The following NAMPT variants were observed in gnomAD, a reference collection of about 807,000 sequenced individuals.
NAMPT encodes nicotinamide phosphoribosyltransferase, also known as NAmPRTase.
A neutral mutation model predicts 58.7 loss-of-function variants in NAMPT; 7 were observed. The ratio of observed to expected loss-of-function variants is 0.12; its 90% CI spans 0.07 to 0.22. The LOEUF (loss-of-function observed/expected upper bound fraction) is 0.22. Among genes scored for constraint, NAMPT ranks in the 10% least tolerant of loss-of-function variants. The probability of loss-of-function intolerance (pLI) is 1.00; values close to 1 mark genes in which losing one functional copy is unlikely to be tolerated. For synonymous variants in NAMPT, 145 were observed against 198.1 expected (o/e 0.73, Z 2.25); for missense variants, 271 against 567.9 (o/e 0.48, Z 5.31).
intron 1 of NAMPT, among the ~76,000 whole-genome samples, chr7:106,283,439 T>G (rs1188265294): frequency 6.6e-6 from 1 of 151,932 alleles, no homozygotes; most frequent in African/African-American, 2.4e-5. Context: ...TTGGCTAACA[T>G]GTAAAAAAAA....
intron 2 of NAMPT, 57 bp from the exon 3 acceptor site, chr7:106,275,106 G>C: frequency 1.8e-6 from 2 of 1,085,356 alleles, no homozygotes; most frequent in East Asian, 2.4e-5. Context: ...GTGAGTTGCT[G>C]AACTGTCACA....
intron 1 of NAMPT, among the ~76,000 whole-genome samples, chr7:106,279,613 G>T (rs12667674): frequency 0.22 from 33,760 of 152,034 alleles, 4,420 homozygotes; most frequent in East Asian, 0.48. Flanking sequence ...GGATGATATA[G>T]CATAAATTCA....
intron 1 of NAMPT, 150 bp downstream of exon 1, chr7:106,284,678 G>GCCGCCCGCGCCTCCC (rs1263049556): frequency 1.0e-6 from 1 of 964,166 alleles, no homozygotes; most frequent in African/African-American, 1.8e-5. Flanking sequence ...CCCAGCCGCC[G>GCCGCCCGCGCCTCCC]CCGCCCGCGC....
At chr7:106,270,017 A>G (rs1390974630) in intron 4 of NAMPT, among the ~76,000 whole-genome samples, 4 of 152,214 alleles carry the variant, frequency 2.6e-5, no homozygotes, top group Admixed American at 2.6e-4. Flanking sequence ...ACTTCCGCAT[A>G]TGTTGTATAA....
chr7:106,282,184 T>G (rs1792778580), intron 1 of NAMPT, among the ~76,000 whole-genome samples: 1 of 152,066 alleles, frequency 6.6e-6, no homozygotes, highest in South Asian at 2.1e-4. Flanking sequence ...AACAAAAATT[T>G]GTTACTTGGC....
chr7:106,267,840 C>CAAAAAAAAAAAAAAAAAAAAAAAAAAAAA (rs769070307), intron 6 of NAMPT, among the ~76,000 whole-genome samples: 7 of 33,176 alleles, frequency 2.1e-4, no homozygotes, highest in Admixed American at 9.7e-4. Flanking sequence ...GACTCCGTCT[C>CAAAAAAAAAAAAAAAAAAAAAAAAAAAAA]AAAAAAAAAA....
At chr7:106,284,671 A>AGCC (rs939263303) in intron 1 of NAMPT, 157 bp downstream of exon 1, 6 of 884,698 alleles carry the variant, frequency 6.8e-6, no homozygotes, top group South Asian at 5.4e-5. Context: ...CACCTGCCCC[A>AGCC]GCCGCCGCCG....
chr7:106,251,413 A>G (rs1321222975), intron 10 of NAMPT, among the ~76,000 whole-genome samples: 1 of 152,114 alleles, frequency 6.6e-6, no homozygotes, highest in African/African-American at 2.4e-5. Context: ...AACTTCTATG[A>G]AAAGGAATGA....
In NAMPT at chr7:106,281,784, T is replaced by G. The variant is rs551454170; in HGVS notation, c.57+3044A>C. ...GGGTTATTTGGGGAAGGAGAGAAAT[T>G]GCAAAATCACCTATAATCATATTGC... is the stretch of plus-strand genomic sequence containing the variant. On this transcript the variant is annotated intron_variant, in intron 1 of 10. Transcript: ENST00000222553. Among the ~76,000 whole-genome samples the G allele has an allele frequency of 1.3e-4, 20 of 152,304 alleles. No homozygotes were observed. In the South Asian group the frequency reaches 3.9e-3, roughly 30 times the overall value.
intron 1 of NAMPT, among the ~76,000 whole-genome samples, chr7:106,281,904 A>G (rs1354113007): frequency 1.3e-5 from 2 of 152,210 alleles, no homozygotes; most frequent in African/African-American, 4.8e-5. Flanking sequence ...CAACGAGAAC[A>G]CCAGCTCAAT....
chr7:106,264,358 T>C (rs535585548), intron 6 of NAMPT, among the ~76,000 whole-genome samples: 99 of 152,222 alleles, frequency 6.5e-4, no homozygotes, highest in African/African-American at 2.2e-3. Flanking sequence ...ATGTCCTTAA[T>C]ATCAGTTCTT....
chr7:106,249,321 G>A lies in NAMPT; in HGVS notation c.*1762C>T, dbSNP rs1792070289. 6.6e-6 allele frequency: 1 copy of A among 152,452 alleles called. No homozygotes were observed. The highest frequency in any genetic ancestry group is 2.4e-5 in the African/African-American group (1 of 41,408). 9.4% of individuals were successfully genotyped at this position (152,452 alleles called of 1,614,324 possible). On this transcript the variant is annotated 3_prime_UTR_variant, in exon 11 of 11. Transcript: ENST00000222553. ...ATACCACTTACAAAAAACATTTAATGAAGATAACACTTCTAATTAGGTTAT... is the reference window on the plus strand; with the variant it reads ...ATACCACTTACAAAAAACATTTAATAAAGATAACACTTCTAATTAGGTTAT...
At chr7:106,273,834 A>G (rs149024244) in intron 3 of NAMPT, among the ~76,000 whole-genome samples, 1 of 152,264 alleles carries the variant, frequency 6.6e-6, no homozygotes, top group East Asian at 1.9e-4. Flanking sequence ...GACTTTTTCA[A>G]GACCCATAAG....
chr7:106,272,398 A>G (rs1792553660), intron 4 of NAMPT, 132 bp downstream of exon 4: 1 of 717,464 alleles, frequency 1.4e-6, no homozygotes, highest in Non-Finnish European at 2.2e-6. Flanking sequence ...AGATGAGGAA[A>G]TTGAAGCCTG....
At chr7:106,253,809 A>C (rs1163848450) in intron 9 of NAMPT, among the ~76,000 whole-genome samples, 1 of 152,132 alleles carries the variant, frequency 6.6e-6, no homozygotes, top group East Asian at 1.9e-4. Context: ...TGAAGCAGGG[A>C]ATCAACTCAG....
At chr7:106,284,115 G>C (rs959820184) in intron 1 of NAMPT, among the ~76,000 whole-genome samples, 2 of 152,162 alleles carry the variant, frequency 1.3e-5, no homozygotes, top group Non-Finnish European at 2.9e-5. Context: ...CAGAAATCCT[G>C]TAATGACCCT....
intron 4 of NAMPT, among the ~76,000 whole-genome samples, chr7:106,269,656 A>G (rs1231811392): frequency 6.6e-6 from 1 of 152,226 alleles, no homozygotes; most frequent in Non-Finnish European, 1.5e-5. Flanking sequence ...TCATGGATCA[A>G]TAGTTTATAA....
At chr7:106,267,864 A>AAAAAAAAAAAAAAAAAAAAAAAAAAAC (rs1792453191) in intron 6 of NAMPT, among the ~76,000 whole-genome samples, 1 of 135,306 alleles carries the variant, frequency 7.4e-6, no homozygotes, top group African/African-American at 2.8e-5. Context: ...AAAAAAAAAA[A>AAAAAAAAAAAAAAAAAAAAAAAAAAAC]AAAAAAAAAA....
intron 8 of NAMPT, among the ~76,000 whole-genome samples, chr7:106,259,778 C>T (rs562795213): frequency 9.2e-5 from 14 of 152,060 alleles, no homozygotes; most frequent in Non-Finnish European, 1.6e-4. Flanking sequence ...GATAGGCTGT[C>T]GAACGGACGT....
Sources: allele counts gnomAD v4.1 joint callset (sites outside exome capture counted in the v4.1 genomes callset), GRCh38; gene constraint gnomAD v4.1.1; transcripts MANE v1.5; gene names NCBI Gene and HGNC (gene_info 2026-07-23, HGNC 2026-07-21).